The following PARD3 variants were observed in gnomAD, a reference collection of about 807,000 sequenced individuals.
The protein encoded by PARD3 is par-3 family cell polarity regulator.
A neutral mutation model predicts 155.4 loss-of-function variants in PARD3; 75 were observed. That is an observed-to-expected ratio of 0.48 (90% CI 0.40 to 0.58). The LOEUF (loss-of-function observed/expected upper bound fraction) is 0.58, where lower values mean the gene tolerates loss of function less well. Among genes scored for constraint, PARD3 ranks in the 20% least tolerant of loss-of-function variants. The pLI is 0.00. For missense variants in PARD3, 1,642 were observed against 1,721.7 expected (o/e 0.95, Z 0.82); for synonymous variants, 576 against 610.5 (o/e 0.94, Z 0.83).
At chr10:34,801,697 A>T (rs1026754539) in intron 1 of PARD3, among the ~76,000 whole-genome samples, 1 of 152,186 alleles carries the variant, frequency 6.6e-6, no homozygotes, top group African/African-American at 2.4e-5. Flanking sequence ...TACCTACCTA[A>T]GCAAAAGATG....
chr10:34,688,244 T>A (rs1003019870), intron 2 of PARD3, among the ~76,000 whole-genome samples: 1 of 152,142 alleles, frequency 6.6e-6, no homozygotes, highest in African/African-American at 2.4e-5. Context: ...TGTGATAAAT[T>A]TGGAAAAATT....
intron 23 of PARD3, among the ~76,000 whole-genome samples, chr10:34,129,438 C>T (rs1039791541): frequency 1.3e-5 from 2 of 152,164 alleles, no homozygotes; most frequent in Non-Finnish European, 2.9e-5. Flanking sequence ...CAGGCACAAG[C>T]CATTGTGCCT....
chr10:34,768,091 T>C (rs1386485420), intron 1 of PARD3, among the ~76,000 whole-genome samples: 1 of 152,220 alleles, frequency 6.6e-6, no homozygotes, highest in African/African-American at 2.4e-5. Flanking sequence ...TTAACTAGAC[T>C]TCAGTGCTCT....
chr10:34,212,990 T>G (rs910995520), intron 22 of PARD3, among the ~76,000 whole-genome samples: 1 of 152,144 alleles, frequency 6.6e-6, no homozygotes, highest in African/African-American at 2.4e-5. Flanking sequence ...TGGCTTCTCT[T>G]TGCTCTCCAC....
intron 18 of PARD3, among the ~76,000 whole-genome samples, chr10:34,331,977 T>A (rs1835665753): frequency 6.6e-6 from 1 of 152,076 alleles, no homozygotes; most frequent in Non-Finnish European, 1.5e-5. Flanking sequence ...AACACAAGCT[T>A]TGAACGGAAA....
chr10:34,803,822 T>TA (rs2134356441), intron 1 of PARD3, among the ~76,000 whole-genome samples: 2 of 151,998 alleles, frequency 1.3e-5, no homozygotes, highest in East Asian at 3.9e-4. Context: ...AAAATAAAAA[T>TA]AAAAAATAAC....
intron 18 of PARD3, among the ~76,000 whole-genome samples, chr10:34,333,501 T>C (rs1310902261): frequency 6.6e-6 from 1 of 152,044 alleles, no homozygotes; most frequent in Non-Finnish European, 1.5e-5. Flanking sequence ...CTGTTGACCA[T>C]TGTGGATGGT....
chr10:34,164,242 AGTTT>A (rs1949419248), intron 22 of PARD3, among the ~76,000 whole-genome samples: 4 of 152,202 alleles, frequency 2.6e-5, no homozygotes, highest in Admixed American at 2.6e-4. Flanking sequence ...TGAATAGGAA[AGTTT>A]GTTTATTTCC....
chr10:34,368,626 C>T (rs1314449357), intron 12 of PARD3, among the ~76,000 whole-genome samples: 1 of 151,718 alleles, frequency 6.6e-6, no homozygotes, highest in African/African-American at 2.4e-5. Flanking sequence ...GAGCCAAGAT[C>T]GCACCATTGC....
chr10:34,769,183 C>T (rs1838514412), intron 1 of PARD3, among the ~76,000 whole-genome samples: 1 of 152,194 alleles, frequency 6.6e-6, no homozygotes, highest in Admixed American at 6.5e-5. Flanking sequence ...GATGGCACAG[C>T]CAACCCCCAG....
chr10:34,166,866 G>A (rs1315701348), intron 22 of PARD3, among the ~76,000 whole-genome samples: 1 of 152,120 alleles, frequency 6.6e-6, no homozygotes, highest in Non-Finnish European at 1.5e-5. Context: ...TCTCCTTAAG[G>A]AAAGGTGGCT....
intron 2 of PARD3, among the ~76,000 whole-genome samples, chr10:34,628,550 G>A (rs1346636551): frequency 6.6e-6 from 1 of 152,232 alleles, no homozygotes; most frequent in Non-Finnish European, 1.5e-5. Flanking sequence ...AGAAACGAGT[G>A]GGTGTGGCTG....
intron 3 of PARD3, among the ~76,000 whole-genome samples, chr10:34,479,352 A>C (rs554884736): frequency 6.6e-6 from 1 of 151,812 alleles, no homozygotes; most frequent in Non-Finnish European, 1.5e-5. Context: ...TAGTAGAGAC[A>C]GGGTTTCACT....
intron 2 of PARD3, among the ~76,000 whole-genome samples, chr10:34,622,586 AG>A (rs1335448300): frequency 6.6e-6 from 1 of 152,240 alleles, no homozygotes; most frequent in Non-Finnish European, 1.5e-5. Context: ...TTTGTAAGCA[AG>A]ATTATCAATT....
At chr10:34,152,909 G>C (rs542253173) in intron 22 of PARD3, among the ~76,000 whole-genome samples, 1 of 152,278 alleles carries the variant, frequency 6.6e-6, no homozygotes, top group Non-Finnish European at 1.5e-5. Flanking sequence ...GTGATTATCA[G>C]GACCAACCTC....
chr10:34,331,753 C>T (rs1384690509), intron 18 of PARD3, among the ~76,000 whole-genome samples: 1 of 148,372 alleles, frequency 6.7e-6, no homozygotes, highest in African/African-American at 2.5e-5. Context: ...TAATTAAAAC[C>T]TTTTTTTTTT....
intron 24 of PARD3, among the ~76,000 whole-genome samples, chr10:34,111,843 T>C (rs1946400535): frequency 6.6e-6 from 1 of 152,180 alleles, no homozygotes. Context: ...TCTGAGAAGG[T>C]TGTGTCTGTT....
At chr10:34,568,532 G>A (rs912216610) in intron 2 of PARD3, among the ~76,000 whole-genome samples, 3 of 152,106 alleles carry the variant, frequency 2.0e-5, no homozygotes, top group Non-Finnish European at 4.4e-5. Context: ...AATCATAGGG[G>A]TTTAATTTTT....
intron 5 of PARD3, among the ~76,000 whole-genome samples, chr10:34,447,334 A>T (rs2076790206): frequency 6.6e-6 from 1 of 151,842 alleles, no homozygotes; most frequent in Non-Finnish European, 1.5e-5. Context: ...ACAAAAAATT[A>T]ACTGGGCATG....
Sources: gnomAD v4.1 joint callset for allele counts (sites outside exome capture counted in the v4.1 genomes callset) on GRCh38, gnomAD v4.1.1 for gene constraint, MANE v1.5 for transcripts, NCBI Gene and HGNC (gene_info 2026-07-23, HGNC 2026-07-21) for gene names.